The following MYO18B variants were observed in gnomAD, a reference collection of about 807,000 sequenced individuals.
The protein encoded by MYO18B is unconventional myosin-XVIIIb.
MYO18B carries 204 observed loss-of-function variants against 273.0 expected under a neutral mutation model. The observed-to-expected ratio is 0.75, with a 90% confidence interval of 0.67 to 0.84. MYO18B has a LOEUF of 0.84. MYO18B is among the 40% of genes least tolerant of loss of function. The pLI is 0.00. For missense variants in MYO18B, 3,212 were observed against 3,287.6 expected (o/e 0.98, Z 0.56); for synonymous variants, 1,330 against 1,305.7 (o/e 1.02, Z -0.40).
At chr22:25,898,567 T>C in intron 29 of MYO18B, 106 bp downstream of exon 29, 1 of 1,240,374 alleles carries the variant, frequency 8.1e-7, no homozygotes, top group Non-Finnish European at 1.1e-6. Context: ...TTCAACTCCC[T>C]TGTTTTGCTC....
chr22:25,927,420 C>CATAGCTCT (rs1214647259), intron 34 of MYO18B, among the ~76,000 whole-genome samples: 1 of 152,156 alleles, frequency 6.6e-6, no homozygotes, highest in Non-Finnish European at 1.5e-5. Flanking sequence ...TCCAGTCTCC[C>CATAGCTCT]ATAGCTCTCC....
In MYO18B at chr22:25,777,042, G is replaced by A. The variant is rs192908518; in HGVS notation, c.1870-541G>A. 2.5e-4 allele frequency among the ~76,000 whole-genome samples: 38 copies of A among 152,308 alleles called. 1 individual carries two copies. In the East Asian group the frequency reaches 6.4e-3, roughly 26 times the overall value. ...CCATTTTGTGTTATGCTGTGCCCGA[G>A]TGCCTGCTGCATAGTAGACACTCAA... On this transcript the variant is annotated intron_variant, in intron 7 of 43. Transcript: ENST00000335473.
At chr22:25,976,688 C>T (rs1481992370) in intron 39 of MYO18B, among the ~76,000 whole-genome samples, 2 of 152,070 alleles carry the variant, frequency 1.3e-5, no homozygotes, top group Non-Finnish European at 2.9e-5. Context: ...CTGGGGAAGG[C>T]TAGGATCTGG....
chr22:25,984,634 A>G (rs1272652094), intron 39 of MYO18B, among the ~76,000 whole-genome samples: 3 of 151,680 alleles, frequency 2.0e-5, no homozygotes, highest in African/African-American at 4.9e-5. Context: ...TACAAATAAT[A>G]ATAATAATAA....
At chr22:25,833,150 C>T (rs188644700) in intron 16 of MYO18B, among the ~76,000 whole-genome samples, 153 bp downstream of exon 16, 1 of 152,282 alleles carries the variant, frequency 6.6e-6, no homozygotes, top group Non-Finnish European at 1.5e-5. Context: ...TGGGACCCAA[C>T]CCCAGATTCT....
intron 23 of MYO18B, among the ~76,000 whole-genome samples, 166 bp from the exon 24 acceptor site, chr22:25,876,023 T>C (rs1248480216): frequency 1.4e-5 from 2 of 143,270 alleles, no homozygotes; most frequent in African/African-American, 2.8e-5. Context: ...TGTGTGTGTG[T>C]GTGTGTGTGT....
rs574599883 is a variant in MYO18B at position 25,763,216 on chromosome 22, G to C, written c.40-15G>C. 6.2e-7 allele frequency: 1 copy of C among 1,608,138 alleles called. No homozygotes were observed. Among genetic ancestry groups the C allele is most frequent in the East Asian group, 2.2e-5 (1 of 44,702 alleles). On this transcript the variant is annotated splice_polypyrimidine_tract_variant and intron_variant, in intron 2 of 43. Coordinates refer to ENST00000335473, the MANE Select transcript of MYO18B (RefSeq NM_032608.7). ...GACTCACTGAGCTCTCTCTTTCCTT[G>C]CTTCTGCAAAACAGATTCGGGAAGA...
intron 1 of MYO18B, among the ~76,000 whole-genome samples, chr22:25,748,518 A>T (rs1425656080): frequency 2.0e-5 from 3 of 152,228 alleles, no homozygotes; most frequent in Middle Eastern, 3.4e-3. Flanking sequence ...GAACTCATTG[A>T]CTGTCTATCC....
At chr22:25,904,873 CATA>C (rs1046085963) in intron 31 of MYO18B, among the ~76,000 whole-genome samples, 1 of 150,752 alleles carries the variant, frequency 6.6e-6, no homozygotes, top group African/African-American at 2.4e-5. Context: ...GTCTTACACA[CATA>C]ATAATTTTAG....
At chr22:25,773,496 CTG>C (rs1477155923) in intron 7 of MYO18B, among the ~76,000 whole-genome samples, 1 of 152,128 alleles carries the variant, frequency 6.6e-6, no homozygotes, top group Non-Finnish European at 1.5e-5. Flanking sequence ...CGGAGTCTCT[CTG>C]TGTCGCCCAG....
intron 16 of MYO18B, 137 bp from the exon 17 acceptor site, chr22:25,835,159 T>G: frequency 3.0e-6 from 3 of 1,004,634 alleles, no homozygotes; most frequent in Non-Finnish European, 1.4e-6. Flanking sequence ...ATTGGGAGCA[T>G]GGTTTTGGGT....
intron 36 of MYO18B, among the ~76,000 whole-genome samples, chr22:25,948,443 C>CTTTCTTTCT (rs1569225056): frequency 1.9e-4 from 22 of 114,452 alleles, no homozygotes; most frequent in African/African-American, 7.2e-4. Flanking sequence ...TCCTTCCTTC[C>CTTTCTTTCT]TTCCTTCCTT....
intron 42 of MYO18B, among the ~76,000 whole-genome samples, chr22:26,013,927 G>C (rs1482159386): frequency 6.6e-6 from 1 of 151,978 alleles, no homozygotes; most frequent in Non-Finnish European, 1.5e-5. Flanking sequence ...TAAGGTATGT[G>C]GGTTTTCTTC....
At chr22:25,802,152 C>T (rs139730491) in intron 12 of MYO18B, among the ~76,000 whole-genome samples, 132 of 152,324 alleles carry the variant, frequency 8.7e-4, no homozygotes, top group African/African-American at 3.0e-3. Flanking sequence ...GTTCTCATGA[C>T]CCCCTTCTCT....
intron 34 of MYO18B, 55 bp downstream of exon 34, chr22:25,921,464 C>G: frequency 8.4e-6 from 13 of 1,552,296 alleles, no homozygotes; most frequent in Non-Finnish European, 1.1e-5. Context: ...CTACGACCTG[C>G]AGAGAATTGC....
intron 17 of MYO18B, among the ~76,000 whole-genome samples, chr22:25,842,160 C>T (rs941164827): frequency 2.6e-5 from 4 of 152,206 alleles, no homozygotes; most frequent in South Asian, 2.1e-4. Flanking sequence ...TCACGAAAGC[C>T]GCAGACTCTC....
intron 39 of MYO18B, among the ~76,000 whole-genome samples, chr22:25,991,702 G>A (rs2093272304): frequency 6.6e-6 from 1 of 152,190 alleles, no homozygotes; most frequent in African/African-American, 2.4e-5. Flanking sequence ...TTCCTCATCT[G>A]TGAAATGGGA....
chr22:26,045,792 G>C, the MYO18B span, among the ~76,000 whole-genome samples: 1 of 152,228 alleles, frequency 6.6e-6, no homozygotes, highest in Admixed American at 6.5e-5. Context: ...ATAGGTGAAA[G>C]GTCCCAGCGA....
chr22:25,745,117 ATTTTT>A (rs1403562034), intron 1 of MYO18B, among the ~76,000 whole-genome samples: 3 of 152,098 alleles, frequency 2.0e-5, no homozygotes, highest in African/African-American at 7.2e-5. Flanking sequence ...GTCTTATTTT[ATTTTT>A]ATTTTGAAAC....
Sources: gnomAD v4.1 joint callset for allele counts (sites outside exome capture counted in the v4.1 genomes callset) on GRCh38, gnomAD v4.1.1 for gene constraint, MANE v1.5 for transcripts, NCBI Gene and HGNC (gene_info 2026-07-23, HGNC 2026-07-21) for gene names.